The following GEMIN7 variants were observed in gnomAD, a reference collection of about 807,000 sequenced individuals.
GEMIN7 encodes gem nuclear organelle associated protein 7.
A neutral mutation model predicts 7.8 loss-of-function variants in GEMIN7; 7 were observed. The observed-to-expected ratio is 0.90, with a 90% CI of 0.51 to 1.69. The LOEUF is 1.69. Ranked by LOEUF, GEMIN7 falls within the 40% of genes most tolerant of loss-of-function variation. The pLI is 0.00. For missense variants in GEMIN7, 159 were observed against 176.2 expected, an observed-to-expected ratio of 0.90 and a Z score of 0.55; for synonymous variants, 68 against 72.4, an observed-to-expected ratio of 0.94 and a Z score of 0.31.
chr19:45,083,317 C>T (rs905850710), intron 2 of GEMIN7, among the ~76,000 whole-genome samples: 2 of 151,854 alleles, frequency 1.3e-5, no homozygotes, highest in Non-Finnish European at 2.9e-5. Flanking sequence ...CATGGTGGCG[C>T]GCACCTGTAA....
intron 2 of GEMIN7, among the ~76,000 whole-genome samples, chr19:45,082,609 G>A (rs1022049270): frequency 6.6e-5 from 10 of 152,032 alleles, no homozygotes; most frequent in African/African-American, 2.4e-4. Context: ...GCTAGATAAT[G>A]TGGATGAGTG....
intron 2 of GEMIN7, among the ~76,000 whole-genome samples, chr19:45,088,005 G>A (rs1440105262): frequency 7.2e-6 from 1 of 138,218 alleles, no homozygotes; most frequent in African/African-American, 2.8e-5. Context: ...GAGTACTGTG[G>A]CACAATCTCG....
intron 1 of GEMIN7, 118 bp from the exon 2 acceptor site, chr19:45,079,789 G>A (rs1275329092): frequency 6.6e-6 from 1 of 152,278 alleles, no homozygotes; most frequent in Non-Finnish European, 1.5e-5. Context: ...CTGTGCTTGG[G>A]GTTCTGACCC....
At chr19:45,075,661 A>T, upstream of GEMIN7, 1 of 1,599,356 alleles carries the variant, frequency 6.3e-7, no homozygotes, top group Non-Finnish European at 8.5e-7. Flanking sequence ...CCTTTCCAGC[A>T]GGAAGCCCAG....
intron 2 of GEMIN7, among the ~76,000 whole-genome samples, chr19:45,083,596 CTTCTT>C (rs1967573529): frequency 2.3e-5 from 2 of 88,732 alleles, no homozygotes; most frequent in Non-Finnish European, 2.3e-5. Flanking sequence ...TCCAATTCTT[CTTCTT>C]TTTTTTTTTT....
At chr19:45,076,537 G>GCT, upstream of GEMIN7, 1 of 470,974 alleles carries the variant, frequency 2.1e-6, no homozygotes, top group South Asian at 1.1e-4. The surrounding 1 kb of genome is among the most constrained non-coding windows in gnomAD (Gnocchi z 4.9). Context: ...CCGCCTACCA[G>GCT]GGCGGGGCTC....
Position 45,090,718 on chromosome 19 carries a change from G to A in GEMIN7, c.*208G>A, listed in dbSNP as rs191483851. The stretch of plus-strand genomic sequence containing the variant: ...AGGAATTCTAAGATCCCATTGGAAG[G>A]AATGCTCTACCTCACAGAACTCTGA... On this transcript the variant is annotated 3_prime_UTR_variant, in exon 3 of 3. Coordinates refer to ENST00000270257, the MANE Select transcript of GEMIN7 (RefSeq NM_024707.3). 71 of 584,388 alleles carry A rather than the reference G, an allele frequency of 1.2e-4. No individual in the cohort carries two copies. The East Asian group carries it at 2.0e-3, about 16-fold the overall frequency. 36.2% of individuals were successfully genotyped at this position (584,388 alleles called of 1,614,324 possible).
chr19:45,086,218 G>GCA (rs1481052235), intron 2 of GEMIN7, among the ~76,000 whole-genome samples: 3 of 151,520 alleles, frequency 2.0e-5, no homozygotes, highest in Non-Finnish European at 4.4e-5. Flanking sequence ...AGCCGAGGTG[G>GCA]CACCACTGCA....
chr19:45,090,257 A>G lies in GEMIN7; in HGVS notation c.143A>G (p.Gln48Arg), dbSNP rs1967849314. 1.5e-5 allele frequency: 24 copies of G among 1,614,068 alleles called. No individual in the cohort carries two copies. Among genetic ancestry groups the G allele is most frequent in the Non-Finnish European group, 1.9e-5 (23 of 1,179,910 alleles). The change falls in exon 3 of 3, where the codon CAA (glutamine) becomes CGA (arginine). Residue 48 changes from glutamine (Q) to arginine (R), a missense_variant. Physicochemically the swap from Gln to Arg is conservative, Grantham distance 43. Coordinates refer to ENST00000270257, the MANE Select transcript of GEMIN7 (RefSeq NM_024707.3). ...VPEIQECPIAQESLESQEQRA... is the reference protein window; with the variant it reads ...VPEIQECPIARESLESQEQRA... The stretch of plus-strand genomic sequence containing the variant: ...GAAATCCAGGAGTGTCCCATAGCTC[A>G]AGAATCCCTGGAATCCCAGGAGCAG...
chr19:45,080,677 C>G (rs1177794797), intron 2 of GEMIN7, among the ~76,000 whole-genome samples: 4 of 152,184 alleles, frequency 2.6e-5, no homozygotes, highest in Admixed American at 6.5e-5. Flanking sequence ...CTGCACCCAG[C>G]CCGAGGAAAG....
chr19:45,087,182 T>A (rs1330088519), intron 2 of GEMIN7, among the ~76,000 whole-genome samples: 5 of 148,098 alleles, frequency 3.4e-5, no homozygotes, highest in Non-Finnish European at 7.5e-5. Context: ...ATTGCTCTGT[T>A]GCCCAGGCTG....
At chr19:45,082,553 A>G (rs892358280) in intron 2 of GEMIN7, among the ~76,000 whole-genome samples, 2 of 152,148 alleles carry the variant, frequency 1.3e-5, no homozygotes, top group South Asian at 2.1e-4. Flanking sequence ...AGACCGCCCA[A>G]TGTGGGTCAT....
chr19:45,087,833 C>T (rs1452183706), intron 2 of GEMIN7, among the ~76,000 whole-genome samples: 1 of 151,970 alleles, frequency 6.6e-6, no homozygotes, highest in Non-Finnish European at 1.5e-5. Flanking sequence ...CTACAGTACT[C>T]CAGGCAGGAA....
intron 2 of GEMIN7, among the ~76,000 whole-genome samples, chr19:45,089,081 A>G (rs1340922018): frequency 4.6e-5 from 7 of 151,878 alleles, no homozygotes; most frequent in South Asian, 2.1e-4. Flanking sequence ...AGCTGGGACT[A>G]CAGGCGCATG....
At chr19:45,081,576 A>G (rs1967506107) in intron 2 of GEMIN7, among the ~76,000 whole-genome samples, 1 of 147,130 alleles carries the variant, frequency 6.8e-6, no homozygotes, top group African/African-American at 2.5e-5. Flanking sequence ...CCCTCAAATT[A>G]TATATCCCTT....
upstream of GEMIN7, among the ~76,000 whole-genome samples, chr19:45,077,980 T>TTA: frequency 6.6e-6 from 1 of 152,184 alleles, no homozygotes; most frequent in East Asian, 1.9e-4. Context: ...TCCTCCTGCT[T>TTA]CAGCATCCCA....
At chr19:45,075,783 G>A (rs1177795587), upstream of GEMIN7, 4 of 1,614,162 alleles carry the variant, frequency 2.5e-6, no homozygotes. Context: ...TGAAGGCAGT[G>A]ATGGCCTCCA....
intron 2 of GEMIN7, among the ~76,000 whole-genome samples, chr19:45,084,292 G>A (rs1967605369): frequency 1.3e-5 from 2 of 151,608 alleles, no homozygotes; most frequent in East Asian, 3.9e-4. Context: ...AGCACTTTGG[G>A]AGGCTGAGGC....
intron 2 of GEMIN7, among the ~76,000 whole-genome samples, chr19:45,082,462 C>T (rs974863595): frequency 4.6e-5 from 7 of 152,196 alleles, no homozygotes; most frequent in African/African-American, 1.7e-4. Context: ...GTCATCACTG[C>T]CTAAGGACAG....
Sources: allele counts gnomAD v4.1 joint callset (sites outside exome capture counted in the v4.1 genomes callset), GRCh38; gene constraint gnomAD v4.1.1; non-coding constraint Gnocchi (gnomAD v3.1); transcripts MANE v1.5; gene names NCBI Gene and HGNC (gene_info 2026-07-23, HGNC 2026-07-21).